Variants in ROR2 observed in about 807,000 individuals in gnomAD.
ROR2 encodes tyrosine-protein kinase transmembrane receptor ROR2.
ROR2 carries 33 observed loss-of-function variants against 74.9 expected under a neutral mutation model. That is an observed-to-expected ratio of 0.44 (90% CI 0.33 to 0.59). The LOEUF (loss-of-function observed/expected upper bound fraction) is 0.59, where lower values mean the gene tolerates loss of function less well. ROR2 is among the 20% of genes least tolerant of loss of function. ROR2 has a pLI of 0.02. For missense variants in ROR2, 1,216 were observed against 1,313.8 expected (o/e 0.93, Z 1.15); for synonymous variants, 586 against 558.7 (o/e 1.05, Z -0.69).
intron 1 of ROR2, among the ~76,000 whole-genome samples, chr9:91,942,969 C>G (rs918232266): frequency 4.6e-5 from 7 of 152,162 alleles, no homozygotes; most frequent in Non-Finnish European, 4.4e-5. Flanking sequence ...CTACAGCAGG[C>G]CTAAGAAACT....
rs200933598 is a variant in ROR2, at chr9:91,931,030, AAAAC to A, written c.97+18833_97+18836del. Among the ~76,000 whole-genome samples, 1,468 of 152,340 alleles carry A rather than the reference AAAAC, an allele frequency of 9.6e-3. 19 individuals are homozygous for A. The highest frequency in any genetic ancestry group is 0.033 in the African/African-American group (1,359 of 41,568). The stretch of plus-strand genomic sequence containing the variant: ...CAGATATTTTACATAAAAGTCAAAG[AAAAC>A]AAACAAAAGGGAGAAAAAAGGAGGC... On this transcript the variant is annotated intron_variant, in intron 1 of 8. Transcript: ENST00000375708.
Position 91,924,686 on chromosome 9 carries a change from G to A in ROR2, c.97+25181C>T, listed in dbSNP as rs368765742. On this transcript the variant is annotated intron_variant, in intron 1 of 8. Coordinates refer to ENST00000375708, the MANE Select transcript of ROR2 (RefSeq NM_004560.4). ...CGGGCGCCTGTAGTCCCAGCTACTT[G>A]GGAGGCTGAGGCAGGAGAATGGCGG... is the stretch of plus-strand genomic sequence containing the variant. Among the ~76,000 whole-genome samples the A allele has an allele frequency of 1.5e-4, 23 of 152,232 alleles. 1 individual carries two copies. The highest frequency in any genetic ancestry group is 4.6e-4 in the African/African-American group (19 of 41,548).
intron 1 of ROR2, among the ~76,000 whole-genome samples, chr9:91,879,080 A>G (rs576693459): frequency 1.3e-5 from 2 of 152,318 alleles, no homozygotes; most frequent in East Asian, 3.9e-4. Flanking sequence ...CAATAAAAAA[A>G]AAAAAGACAA....
intron 1 of ROR2, among the ~76,000 whole-genome samples, chr9:91,826,852 C>T (rs999677650): frequency 2.0e-5 from 3 of 151,824 alleles, no homozygotes; most frequent in Admixed American, 2.0e-4. Flanking sequence ...GTACTGCATC[C>T]AGTAACATTT....
intron 1 of ROR2, among the ~76,000 whole-genome samples, chr9:91,842,472 C>T (rs1007171877): frequency 4.6e-5 from 7 of 152,214 alleles, no homozygotes; most frequent in African/African-American, 1.7e-4. Context: ...CAAATGCTGG[C>T]CCTTGGGGGC....
chr9:91,737,913 T>C (rs1037389439), intron 4 of ROR2, among the ~76,000 whole-genome samples: 2 of 152,202 alleles, frequency 1.3e-5, no homozygotes, highest in Admixed American at 1.3e-4. Context: ...TCCAATCATA[T>C]GACATTCTAG....
At chr9:91,865,184 G>A (rs1044507201) in intron 1 of ROR2, among the ~76,000 whole-genome samples, 1 of 152,098 alleles carries the variant, frequency 6.6e-6, no homozygotes, top group Non-Finnish European at 1.5e-5. Context: ...TTCTTTCACA[G>A]GACAACAAAG....
chr9:91,928,865 C>T (rs1317721136), intron 1 of ROR2, among the ~76,000 whole-genome samples: 1 of 152,252 alleles, frequency 6.6e-6, no homozygotes, highest in African/African-American at 2.4e-5. Flanking sequence ...GCACTTTCCT[C>T]ATCTACATCA....
intron 2 of ROR2, among the ~76,000 whole-genome samples, chr9:91,774,886 T>C (rs569393994): frequency 6.6e-6 from 1 of 152,348 alleles, no homozygotes; most frequent in South Asian, 2.1e-4. Context: ...GAAGGGTCAA[T>C]TTCTCTGTTT....
intron 1 of ROR2, among the ~76,000 whole-genome samples, chr9:91,851,012 A>AT (rs1209029466): frequency 1.3e-5 from 2 of 152,058 alleles, no homozygotes; most frequent in African/African-American, 4.8e-5. Flanking sequence ...AAACTTCACT[A>AT]TTTCCCCACT....
At chr9:91,790,595 G>GTTTATGTA (rs917021778) in intron 1 of ROR2, among the ~76,000 whole-genome samples, 1 of 151,798 alleles carries the variant, frequency 6.6e-6, no homozygotes, top group Non-Finnish European at 1.5e-5. Flanking sequence ...TATGTTGTTG[G>GTTTATGTA]TTTATGTACT....
chr9:91,777,189 C>T (rs1826449506), intron 1 of ROR2, among the ~76,000 whole-genome samples: 1 of 152,184 alleles, frequency 6.6e-6, no homozygotes, highest in Non-Finnish European at 1.5e-5. Flanking sequence ...TTTGGGCTCA[C>T]TCCAGATACT....
intron 1 of ROR2, among the ~76,000 whole-genome samples, chr9:91,778,781 G>C (rs1484794990): frequency 6.6e-6 from 1 of 152,150 alleles, no homozygotes; most frequent in African/African-American, 2.4e-5. Context: ...CTGGACCTGG[G>C]TCATTTTCAC....
At chr9:91,924,781 T>TA (rs535189760) in intron 1 of ROR2, among the ~76,000 whole-genome samples, 29,731 of 146,256 alleles carry the variant, frequency 0.2, 3,005 homozygotes, top group Admixed American at 0.27. Flanking sequence ...AGACTCCATC[T>TA]AAAAAAAAAA....
intron 1 of ROR2, among the ~76,000 whole-genome samples, chr9:91,922,465 A>T (rs5000046): frequency 0.087 from 13,232 of 151,334 alleles, 1,044 homozygotes; most frequent in East Asian, 0.21. Context: ...TTTATTTTTT[A>T]TTTTTTGAGA....
At chr9:91,938,938 T>C (rs149352819) in intron 1 of ROR2, among the ~76,000 whole-genome samples, 134 of 152,290 alleles carry the variant, frequency 8.8e-4, no homozygotes, top group African/African-American at 3.1e-3. Context: ...GAGTGGGCCA[T>C]GGAGTATGTG....
intron 1 of ROR2, among the ~76,000 whole-genome samples, chr9:91,909,857 T>TTG (rs1830924941): frequency 8.0e-6 from 1 of 124,428 alleles, no homozygotes; most frequent in Non-Finnish European, 1.7e-5. Flanking sequence ...GTTTTTTTTT[T>TTG]TTTTTTTTTT....
At chr9:91,788,958 TGGCC>T (rs1365911542) in intron 1 of ROR2, among the ~76,000 whole-genome samples, 1 of 151,078 alleles carries the variant, frequency 6.6e-6, no homozygotes, top group African/African-American at 2.4e-5. Context: ...AGTAGAATAG[TGGCC>T]ACTAAAGGGT....
intron 4 of ROR2, among the ~76,000 whole-genome samples, chr9:91,747,411 G>A (rs1018903042): frequency 3.9e-5 from 6 of 152,216 alleles, no homozygotes; most frequent in African/African-American, 1.4e-4. Flanking sequence ...GAAGAGCCAC[G>A]AGTGGAAGGC....
Sources: gnomAD v4.1 joint callset for allele counts (sites outside exome capture counted in the v4.1 genomes callset) on GRCh38, gnomAD v4.1.1 for gene constraint, MANE v1.5 for transcripts, NCBI Gene and HGNC (gene_info 2026-07-23, HGNC 2026-07-21) for gene names.